The following GFRA2 variants were observed in gnomAD, a reference collection of about 807,000 sequenced individuals.
GFRA2 encodes GDNF family receptor alpha 2.
GFRA2 carries 17 observed loss-of-function variants against 48.3 expected under a neutral mutation model. That is an observed-to-expected ratio of 0.35 (90% CI 0.24 to 0.53). The LOEUF (loss-of-function observed/expected upper bound fraction) is 0.53, where lower values mean the gene tolerates loss of function less well. Among genes scored for constraint, GFRA2 ranks in the 20% least tolerant of loss-of-function variants. GFRA2 has a pLI of 0.93. For missense variants in GFRA2, 660 were observed against 637.3 expected (o/e 1.04, Z -0.38); for synonymous variants, 305 against 257.2 (o/e 1.19, Z -1.78).
At chr8:21,711,835 G>T (rs562603340) in intron 4 of GFRA2, among the ~76,000 whole-genome samples, 1 of 152,072 alleles carries the variant, frequency 6.6e-6, no homozygotes, top group Non-Finnish European at 1.5e-5. Flanking sequence ...GCGGCCTTCC[G>T]CAGTGTTTGT....
chr8:21,738,662 C>A (rs1248641476), intron 4 of GFRA2, among the ~76,000 whole-genome samples: 2 of 152,116 alleles, frequency 1.3e-5, no homozygotes, highest in African/African-American at 2.4e-5. Flanking sequence ...ACGCATGTGC[C>A]CTCTGCAAGG....
chr8:21,794,167 A>G (rs1807627178), intron 2 of GFRA2, among the ~76,000 whole-genome samples: 1 of 149,916 alleles, frequency 6.7e-6, no homozygotes, highest in Non-Finnish European at 1.5e-5. Flanking sequence ...AATTACTTTT[A>G]AAATCTGTAC....
At chr8:21,761,669 G>A (rs1185289988) in intron 3 of GFRA2, among the ~76,000 whole-genome samples, 1 of 152,224 alleles carries the variant, frequency 6.6e-6, no homozygotes, top group African/African-American at 2.4e-5. Flanking sequence ...GTGTCACCTG[G>A]CTGGGTGCGG....
chr8:21,708,362 G>A (rs1298546832), intron 4 of GFRA2, among the ~76,000 whole-genome samples: 1 of 152,162 alleles, frequency 6.6e-6, no homozygotes, highest in Non-Finnish European at 1.5e-5. Context: ...GCCAGCAAAT[G>A]AGAGAGAGTG....
Position 21,705,166 on chromosome 8 carries a change from T to C in GFRA2, c.905-41A>G, listed in dbSNP as rs1471341112. 5 of 1,578,130 alleles carry C rather than the reference T, an allele frequency of 3.2e-6. No individual in the cohort carries two copies. In the Admixed American group the frequency reaches 7.0e-5, roughly 22 times the overall value. ...GGTGGGGGAGAGGAGAGAGGTACGGTGGGGCCTTCCCCTTGGGCCCACAGA... is the reference window on the plus strand; with the variant it reads ...GGTGGGGGAGAGGAGAGAGGTACGGCGGGGCCTTCCCCTTGGGCCCACAGA... On this transcript the variant is annotated intron_variant, in intron 5 of 8. Coordinates refer to ENST00000524240, the MANE Select transcript of GFRA2 (RefSeq NM_001495.5).
chr8:21,802,666 A>G (rs1044514862), intron 2 of GFRA2, among the ~76,000 whole-genome samples: 1 of 152,142 alleles, frequency 6.6e-6, no homozygotes, highest in Admixed American at 6.5e-5. Context: ...TCTGTCTTCA[A>G]TAAGACAGGA....
chr8:21,788,700 G>T lies in GFRA2; in HGVS notation c.-541C>A, dbSNP rs1210058365. ...ACGAGAGACTGGAGTCGCTTCTTTC[G>T]CACCAAGACGAAGACAAGATTCAAA... is the stretch of plus-strand genomic sequence containing the variant. On this transcript the variant is annotated 5_prime_UTR_variant, in exon 1 of 9. Transcript: ENST00000524240. 4 of 985,372 alleles carry T rather than the reference G, an allele frequency of 4.1e-6. No individual in the cohort carries two copies. Among genetic ancestry groups the T allele is most frequent in the Non-Finnish European group, 4.8e-6 (4 of 829,950 alleles). 61.0% of individuals were successfully genotyped at this position (985,372 alleles called of 1,614,324 possible). A position where few individuals can be genotyped will look rare whatever the true frequency, so the allele number is the denominator to read the frequency against.
At chr8:21,712,899 C>T (rs1418386092) in intron 4 of GFRA2, among the ~76,000 whole-genome samples, 1 of 152,042 alleles carries the variant, frequency 6.6e-6, no homozygotes, top group African/African-American at 2.4e-5. Flanking sequence ...CGCAGGCACT[C>T]GGCAGGCTGA....
intron 4 of GFRA2, among the ~76,000 whole-genome samples, chr8:21,733,049 C>A (rs918527538): frequency 1.3e-5 from 2 of 152,154 alleles, no homozygotes; most frequent in African/African-American, 4.8e-5. Flanking sequence ...GCTGTGAGTG[C>A]GATGAAAAGT....
chr8:21,783,166 C>A, intron 1 of GFRA2: 1 of 632,668 alleles, frequency 1.6e-6, no homozygotes, highest in Non-Finnish European at 2.9e-6. Flanking sequence ...ACAATAAAGC[C>A]AGGAAGGTCC....
At chr8:21,713,218 C>T in intron 4 of GFRA2, among the ~76,000 whole-genome samples, 1 of 152,090 alleles carries the variant, frequency 6.6e-6, no homozygotes, top group African/African-American at 2.4e-5. Flanking sequence ...TTGAGATGGA[C>T]TCTTTCTCTT....
Position 21,693,288 on chromosome 8 carries a change from A to T in GFRA2, c.1385T>A (p.Leu462Gln), listed in dbSNP as rs1128397. The change falls in exon 9 of 9, where the codon CTG becomes CAG. Residue 462 changes from leucine to glutamine, a missense_variant. Leu to Gln is a moderately radical substitution (Grantham distance 113). Coordinates refer to ENST00000524240, the MANE Select transcript of GFRA2 (RefSeq NM_001495.5). ...LTVLSVLMLK[L>Q]AL ...CTCGGTTCCCACAGCCTACAAGGCC[A>T]GTTTCAGCATCAGGACAGACAGCAC... 638,729 of 1,610,344 alleles carry T rather than the reference A, an allele frequency of 0.4. 128,185 individuals carry two copies. Among genetic ancestry groups the T allele is most frequent in the East Asian group, 0.44 (19,800 of 44,674 alleles).
chr8:21,757,324 G>A (rs554059860), intron 3 of GFRA2, among the ~76,000 whole-genome samples: 1 of 152,152 alleles, frequency 6.6e-6, no homozygotes, highest in Non-Finnish European at 1.5e-5. Flanking sequence ...CCAGACACTG[G>A]AAGCCCCCAC....
intron 4 of GFRA2, among the ~76,000 whole-genome samples, chr8:21,734,725 A>G (rs1357166674): frequency 6.6e-6 from 1 of 152,246 alleles, no homozygotes; most frequent in African/African-American, 2.4e-5. Flanking sequence ...CCTTAGCTGG[A>G]TGACACTGGG....
chr8:21,766,395 G>A (rs1384836992), intron 3 of GFRA2, among the ~76,000 whole-genome samples: 4 of 151,856 alleles, frequency 2.6e-5, no homozygotes, highest in South Asian at 2.1e-4. Context: ...AGCAGCACCC[G>A]CCCATGTTGT....
chr8:21,694,187 G>A (rs572671248), intron 8 of GFRA2, among the ~76,000 whole-genome samples: 6 of 150,444 alleles, frequency 4.0e-5, no homozygotes, highest in South Asian at 2.1e-4. Context: ...GCAGGTGGTC[G>A]ACACAACTGT....
intron 3 of GFRA2, among the ~76,000 whole-genome samples, chr8:21,768,562 G>A (rs1295865400): frequency 6.6e-6 from 1 of 152,172 alleles, no homozygotes; most frequent in Non-Finnish European, 1.5e-5. Flanking sequence ...CAAAGGCTGG[G>A]TCTCCTGCCT....
chr8:21,706,100 T>C, intron 4 of GFRA2, 59 bp from the exon 5 acceptor site: 1 of 1,107,326 alleles, frequency 9.0e-7, no homozygotes, highest in South Asian at 1.4e-5. Flanking sequence ...CTGCCTTCTG[T>C]CTCCTCTGTC....
In GFRA2 at chr8:21,742,912, G is replaced by A. The variant is rs530220621; in HGVS notation, c.794+7676C>T. Among the ~76,000 whole-genome samples, 13 of 152,316 alleles carry A rather than the reference G, an allele frequency of 8.5e-5. No individual in the cohort carries two copies. The South Asian group carries it at 2.5e-3, about 29-fold the overall frequency. On this transcript the variant is annotated intron_variant, in intron 4 of 8. Transcript: ENST00000524240. ...TGAGAGAAGCCTGTAAAGTTAAGGT[G>A]AAGGCTCTGTGCAGCCCTGCCAAGC... is the stretch of plus-strand genomic sequence containing the variant.
Sources: gnomAD v4.1 joint callset for allele counts (sites outside exome capture counted in the v4.1 genomes callset) on GRCh38, gnomAD v4.1.1 for gene constraint, MANE v1.5 for transcripts, NCBI Gene and HGNC (gene_info 2026-07-23, HGNC 2026-07-21) for gene names.